SORCS3: variants seen among roughly 807,000 people sequenced by gnomAD.
SORCS3 encodes sortilin related VPS10 domain containing receptor 3.
Under a neutral mutation model 146.3 loss-of-function variants are expected in SORCS3, and 57 were observed. The ratio of observed to expected loss-of-function variants is 0.39; its 90% CI spans 0.31 to 0.49. The LOEUF is 0.49. Among genes scored for constraint, SORCS3 ranks in the 20% least tolerant of loss-of-function variants. The probability of loss-of-function intolerance (pLI) is 0.92; values close to 1 mark genes in which losing one functional copy is unlikely to be tolerated. For missense variants in SORCS3, 1,341 were observed against 1,575.5 expected (o/e 0.85, Z 2.52); for synonymous variants, 653 against 618.5 (o/e 1.06, Z -0.83).
chr10:104,673,323 C>G (rs1374400426), intron 1 of SORCS3, among the ~76,000 whole-genome samples: 1 of 151,912 alleles, frequency 6.6e-6, no homozygotes, highest in Non-Finnish European at 1.5e-5. Context: ...TGCCTTACAG[C>G]TTTTTTGCCC....
chr10:104,971,492 T>C (rs1002516565), intron 3 of SORCS3, among the ~76,000 whole-genome samples: 4 of 152,166 alleles, frequency 2.6e-5, no homozygotes, highest in Admixed American at 1.3e-4. Flanking sequence ...GTGGAAACGC[T>C]CATGGAGCTA....
At chr10:105,226,793 G>T (rs981021985) in intron 20 of SORCS3, among the ~76,000 whole-genome samples, 2 of 151,660 alleles carry the variant, frequency 1.3e-5, no homozygotes, top group African/African-American at 4.8e-5. Context: ...TTGGTGGGTT[G>T]TATGTGTCTA....
intron 20 of SORCS3, among the ~76,000 whole-genome samples, chr10:105,242,731 T>TACATTTATAC (rs2056840218): frequency 1.9e-5 from 2 of 105,274 alleles, no homozygotes; most frequent in Admixed American, 1.4e-4. Context: ...TACATTTATA[T>TACATTTATAC]ATATTTATAT....
intron 16 of SORCS3, among the ~76,000 whole-genome samples, chr10:105,204,740 T>C (rs2056592705): frequency 1.3e-5 from 2 of 152,106 alleles, no homozygotes; most frequent in African/African-American, 4.8e-5. Flanking sequence ...TTTTTTTTAC[T>C]ACTACTGAGT....
intron 1 of SORCS3, among the ~76,000 whole-genome samples, chr10:104,690,092 C>T (rs962523325): frequency 5.3e-5 from 8 of 152,236 alleles, no homozygotes; most frequent in Admixed American, 2.0e-4. Flanking sequence ...GTGCCTGGGT[C>T]GGCTCTGGGT....
intron 5 of SORCS3, among the ~76,000 whole-genome samples, chr10:105,087,855 A>G (rs528556765): frequency 6.6e-6 from 1 of 152,352 alleles, no homozygotes; most frequent in South Asian, 2.1e-4. Flanking sequence ...CGACCTTTAA[A>G]AAATACTGAC....
intron 19 of SORCS3, among the ~76,000 whole-genome samples, chr10:105,222,372 T>G (rs1282097062): frequency 2.6e-5 from 4 of 152,152 alleles, no homozygotes; most frequent in Non-Finnish European, 4.4e-5. Context: ...TAACACTGTT[T>G]CATCAGCTTT....
At chr10:105,109,119 C>A (rs58754271) in intron 7 of SORCS3, among the ~76,000 whole-genome samples, 17,085 of 152,098 alleles carry the variant, frequency 0.11, 1,054 homozygotes, top group East Asian at 0.17. Context: ...TATTTCTGGA[C>A]AATATCTATT....
chr10:104,733,768 T>C (rs572962050), intron 1 of SORCS3, among the ~76,000 whole-genome samples: 20 of 152,076 alleles, frequency 1.3e-4, no homozygotes, highest in Non-Finnish European at 2.5e-4. Context: ...TCATTTTCTT[T>C]TTTCTCAATC....
chr10:105,198,333 C>G (rs1461471098), intron 14 of SORCS3, among the ~76,000 whole-genome samples: 1 of 151,984 alleles, frequency 6.6e-6, no homozygotes, highest in African/African-American at 2.4e-5. Context: ...TATCTGAATG[C>G]GAGAGTTTTG....
intron 25 of SORCS3, among the ~76,000 whole-genome samples, chr10:105,258,564 T>G (rs2119768594): frequency 6.6e-6 from 1 of 152,302 alleles, no homozygotes; most frequent in African/African-American, 2.4e-5. Context: ...CTTTTGTGGC[T>G]TTTGTGTCAG....
chr10:105,190,231 C>T (rs980093812), intron 14 of SORCS3, among the ~76,000 whole-genome samples: 6 of 152,094 alleles, frequency 3.9e-5, no homozygotes, highest in Non-Finnish European at 1.5e-5. Flanking sequence ...TAAATTTGAC[C>T]CCTGGCTTCA....
rs118064558 is a variant in SORCS3 at position 105,119,135 on chromosome 10, G to A, written c.1212+13620G>A. 9.4e-3 allele frequency among the ~76,000 whole-genome samples: 1,428 copies of A among 152,214 alleles called. 13 individuals are homozygous for A. Among genetic ancestry groups the A allele is most frequent in the East Asian group, 0.025 (130 of 5,154 alleles). On this transcript the variant is annotated intron_variant, in intron 7 of 26. Transcript: ENST00000369701. ...GTGCAGCCTGGAAACTTGGTACCCC[G>A]CATCCCAGCCTCTCCAGCCATGGCT...
At chr10:105,255,852 G>T (rs1459971853) in intron 24 of SORCS3, 51 bp downstream of exon 24, 3 of 1,391,324 alleles carry the variant, frequency 2.2e-6, no homozygotes, top group Admixed American at 3.5e-5. Context: ...TGTTATCCCA[G>T]AGAGAAAAGG....
In SORCS3 at chr10:104,696,516, T is replaced by G. The variant is rs191630599; in HGVS notation, c.627+54562T>G. ...TATAATATATATAATATATAATATA[T>G]AATATAGAATATATATTATATACAT... is the stretch of plus-strand genomic sequence containing the variant. On this transcript the variant is annotated intron_variant, in intron 1 of 26. Coordinates refer to ENST00000369701, the MANE Select transcript of SORCS3 (RefSeq NM_014978.3). Among the ~76,000 whole-genome samples the G allele has an allele frequency of 9.9e-3, 550 of 55,680 alleles. 63 individuals carry two copies. Among genetic ancestry groups the G allele is most frequent in the African/African-American group, 0.019 (303 of 16,112 alleles). The allele number at this position is 55,680 out of a possible 152,430, so 36.5% of individuals were successfully genotyped here.
intron 1 of SORCS3, among the ~76,000 whole-genome samples, chr10:104,778,174 C>T (rs769215064): frequency 2.0e-5 from 3 of 152,104 alleles, no homozygotes; most frequent in Non-Finnish European, 4.4e-5. Context: ...TCCCAATTAC[C>T]CTGATTTGAT....
At chr10:104,768,452 A>G (rs2017207954) in intron 1 of SORCS3, among the ~76,000 whole-genome samples, 1 of 152,214 alleles carries the variant, frequency 6.6e-6, no homozygotes, top group Non-Finnish European at 1.5e-5. Flanking sequence ...TTATAACACA[A>G]AGTATATTTA....
chr10:105,167,313 C>T lies in SORCS3; in HGVS notation c.1865C>T (p.Ala622Val), dbSNP rs1210285939. ...WFLDWGGALV[A>V]MKHTPLPVRH... is the part of the protein sequence containing the mutation. ...CTAGACTGGGGTGGTGCCCTCGTGG[C>T]CATGAAACACACACCTCTGCCAGTC... Residue 622 changes from alanine to valine, a missense_variant, in exon 13 of 27, where the codon GCC becomes GTC. Physicochemically the swap from Ala to Val is moderately conservative, Grantham distance 64 (BLOSUM62 0). Transcript: ENST00000369701. 6.2e-7 allele frequency: 1 copy of T among 1,613,340 alleles called. No individual in the cohort carries two copies.
chr10:104,728,355 A>G (rs767310667), intron 1 of SORCS3, among the ~76,000 whole-genome samples: 3 of 152,138 alleles, frequency 2.0e-5, no homozygotes, highest in Non-Finnish European at 4.4e-5. Flanking sequence ...CTGTTCTAAG[A>G]TTTGGGCAGT....
Sources: allele counts gnomAD v4.1 joint callset (sites outside exome capture counted in the v4.1 genomes callset), GRCh38; gene constraint gnomAD v4.1.1; transcripts MANE v1.5; gene names NCBI Gene and HGNC (gene_info 2026-07-23, HGNC 2026-07-21).